The following CPNE5 variants were observed in gnomAD, a reference collection of about 807,000 sequenced individuals.
CPNE5 encodes the protein copine 5.
CPNE5 carries 42 observed loss-of-function variants against 81.1 expected under a neutral mutation model. That is an observed-to-expected ratio of 0.52 (90% confidence interval 0.40 to 0.67). CPNE5 has a LOEUF of 0.67. Ranked by LOEUF, CPNE5 falls within the 30% of genes least tolerant of loss-of-function variation. The probability of loss-of-function intolerance (pLI) is 0.00; values close to 1 mark genes in which losing one functional copy is unlikely to be tolerated. For missense variants in CPNE5, 612 were observed against 815.5 expected, an observed-to-expected ratio of 0.75 and a Z score of 3.04; for synonymous variants, 313 against 321.5, an observed-to-expected ratio of 0.97 and a Z score of 0.28.
rs573555184 is a variant in CPNE5 at position 36,778,435 on chromosome 6, G to T, written c.632+419C>A. On this transcript the variant is annotated intron_variant, in intron 9 of 20. Coordinates refer to ENST00000244751, the MANE Select transcript of CPNE5 (RefSeq NM_020939.2). ...GGCAGTAGCGGGGGGCCAGACTGGG[G>T]GCTGCTCAGAGGGCTGTGAGGACAG... Among the ~76,000 whole-genome samples, 133 of 152,362 alleles carry T rather than the reference G, an allele frequency of 8.7e-4. No individual in the cohort carries two copies. The Middle Eastern group carries it at 0.014, about 16-fold the overall frequency.
At chr6:36,784,332 A>G (rs1768324196) in intron 8 of CPNE5, among the ~76,000 whole-genome samples, 1 of 152,222 alleles carries the variant, frequency 6.6e-6, no homozygotes, top group Non-Finnish European at 1.5e-5. Context: ...TCTAGACTGA[A>G]ACGAAGGCAA....
intron 20 of CPNE5, chr6:36,743,343 A>G (rs994296842): frequency 1.7e-6 from 1 of 574,282 alleles, no homozygotes; most frequent in Non-Finnish European, 2.2e-6. Flanking sequence ...GGCTGCAGCA[A>G]CACTAAAGAC....
chr6:36,806,754 A>T (rs1300119959), intron 3 of CPNE5, among the ~76,000 whole-genome samples: 3 of 152,230 alleles, frequency 2.0e-5, no homozygotes, highest in Non-Finnish European at 4.4e-5. Flanking sequence ...TATTCTGCTC[A>T]GACTCCAGTG....
Position 36,745,138 on chromosome 6 carries a change from G to C in CPNE5, c.1341C>G (p.Ala447=), listed in dbSNP as rs757247316. The change falls in exon 18 of 21, where the codon GCC becomes GCG. Residue 447 remains alanine, a synonymous_variant. Transcript: ENST00000244751. ...CCGAGTACTGGGAGCCATCCTGCAC[G>C]GCCGCTGCATTCCTGGGTGGGGCAG... ...VVTHVARNAA[A]VQDGSQYSVL... is the part of the protein sequence containing the mutation. 1.6e-5 allele frequency: 26 copies of C among 1,613,366 alleles called. No individual in the cohort carries two copies. The highest frequency in any genetic ancestry group is 2.2e-5 in the East Asian group (1 of 44,884).
intron 20 of CPNE5, chr6:36,742,948 T>C: frequency 1.0e-6 from 1 of 985,390 alleles, no homozygotes; most frequent in Non-Finnish European, 1.2e-6. Flanking sequence ...CCATCTGGCT[T>C]CTTCCCGGGG....
chr6:36,772,459 C>T (rs994924536), intron 10 of CPNE5, among the ~76,000 whole-genome samples: 5 of 152,194 alleles, frequency 3.3e-5, no homozygotes, highest in Middle Eastern at 3.2e-3. Flanking sequence ...GCGCTAAGAC[C>T]GTCTTTGTTC....
intron 1 of CPNE5, among the ~76,000 whole-genome samples, chr6:36,824,043 T>TG (rs370859321): frequency 4.3e-4 from 66 of 152,310 alleles, no homozygotes; most frequent in African/African-American, 1.5e-3. Context: ...CTGAGCCTGT[T>TG]TCCTCATCAG....
At chr6:36,773,260 C>A (rs1160833791) in intron 10 of CPNE5, among the ~76,000 whole-genome samples, 1 of 152,176 alleles carries the variant, frequency 6.6e-6, no homozygotes, top group East Asian at 1.9e-4. Flanking sequence ...GAGCCCTGCC[C>A]ATGAGCCCCC....
At chr6:36,813,206 A>G (rs1771253015) in intron 3 of CPNE5, among the ~76,000 whole-genome samples, 1 of 152,216 alleles carries the variant, frequency 6.6e-6, no homozygotes, top group Non-Finnish European at 1.5e-5. Context: ...TTTCTGAAAC[A>G]TAAACCAGGT....
rs139702458 is a variant in CPNE5, at chr6:36,828,845, C to T, written c.96-5747G>A. Among the ~76,000 whole-genome samples, 137 of 152,328 alleles carry T rather than the reference C, an allele frequency of 9.0e-4. No homozygotes were observed. The Middle Eastern group carries it at 0.01, about 11-fold the overall frequency. On this transcript the variant is annotated intron_variant, in intron 1 of 20. Transcript: ENST00000244751. ...CTTCAAGCTTCATCTCTGAATCCAA[C>T]ACCCAACTCTGTCCCTTACTTGCTA...
intron 1 of CPNE5, among the ~76,000 whole-genome samples, chr6:36,835,804 C>CA (rs112360661): frequency 0.058 from 7,116 of 123,472 alleles, 285 homozygotes; most frequent in African/African-American, 0.12. Flanking sequence ...AACTCCGTCT[C>CA]AAAAAAAAAA....
At chr6:36,753,981 G>A (rs1332460710) in intron 13 of CPNE5, among the ~76,000 whole-genome samples, 1 of 152,188 alleles carries the variant, frequency 6.6e-6, no homozygotes, top group South Asian at 2.1e-4. Context: ...CCAGGTGAGA[G>A]CACCACCCTT....
intron 1 of CPNE5, among the ~76,000 whole-genome samples, chr6:36,837,762 A>C (rs1773647166): frequency 6.6e-6 from 1 of 152,112 alleles, no homozygotes; most frequent in Non-Finnish European, 1.5e-5. Context: ...TGGGCTGTTC[A>C]GAGGCTTGGA....
intron 9 of CPNE5, among the ~76,000 whole-genome samples, chr6:36,777,761 C>T (rs1562126192): frequency 2.2e-4 from 7 of 31,838 alleles, no homozygotes; most frequent in Admixed American, 2.1e-3. Flanking sequence ...CTACCCCCCC[C>T]CCCACCACAC....
At chr6:36,768,381 G>A (rs772973036) in intron 10 of CPNE5, among the ~76,000 whole-genome samples, 3 of 151,832 alleles carry the variant, frequency 2.0e-5, no homozygotes, top group Non-Finnish European at 4.4e-5. Flanking sequence ...ACAGGCGCAT[G>A]CCATCATATC....
chr6:36,763,724 G>T (rs916447685), intron 11 of CPNE5, among the ~76,000 whole-genome samples: 2 of 152,076 alleles, frequency 1.3e-5, no homozygotes, highest in African/African-American at 4.8e-5. Context: ...GAGGTAAAAT[G>T]CCATGAAGTC....
chr6:36,761,382 C>A (rs779038807), intron 12 of CPNE5, among the ~76,000 whole-genome samples: 2 of 152,244 alleles, frequency 1.3e-5, no homozygotes, highest in Admixed American at 6.5e-5. Context: ...ACTGTGTGCC[C>A]GGCAGTGCCC....
chr6:36,801,245 A>G (rs529211457), intron 3 of CPNE5, among the ~76,000 whole-genome samples: 3 of 152,356 alleles, frequency 2.0e-5, no homozygotes, highest in Admixed American at 2.0e-4. Context: ...ATCTTTGGGC[A>G]TCAGAATCAC....
intron 10 of CPNE5, among the ~76,000 whole-genome samples, chr6:36,774,461 T>A (rs1767321240): frequency 1.3e-5 from 2 of 152,214 alleles, no homozygotes; most frequent in Non-Finnish European, 2.9e-5. Context: ...GCTGGCAGGA[T>A]GTATCCCTAG....
Sources: allele counts gnomAD v4.1 joint callset (sites outside exome capture counted in the v4.1 genomes callset), GRCh38; gene constraint gnomAD v4.1.1; transcripts MANE v1.5; gene names NCBI Gene and HGNC (gene_info 2026-07-23, HGNC 2026-07-21).